The following TNS3 variants were observed in gnomAD, a reference collection of about 807,000 sequenced individuals.
The protein encoded by TNS3 is tensin 3.
TNS3 carries 45 observed loss-of-function variants against 140.9 expected under a neutral mutation model. That is an observed-to-expected ratio of 0.32 (90% CI 0.25 to 0.41). TNS3 has a LOEUF of 0.41. Among genes scored for constraint, TNS3 ranks in the 10% least tolerant of loss-of-function variants. The probability of loss-of-function intolerance (pLI) is 1.00; values close to 1 mark genes in which losing one functional copy is unlikely to be tolerated. For missense variants in TNS3, 1,716 were observed against 1,906.7 expected (o/e 0.90, Z 1.86); for synonymous variants, 815 against 788.4 (o/e 1.03, Z -0.56).
intron 20 of TNS3, among the ~76,000 whole-genome samples, chr7:47,322,299 G>A (rs552525301): frequency 4.0e-5 from 6 of 151,274 alleles, no homozygotes; most frequent in South Asian, 4.2e-4. Context: ...TGACGCAGGC[G>A]GATCACGAGG....
chr7:47,445,036 G>A (rs1218081278), intron 4 of TNS3, among the ~76,000 whole-genome samples: 1 of 152,160 alleles, frequency 6.6e-6, no homozygotes, highest in Non-Finnish European at 1.5e-5. Flanking sequence ...GGGAAGAGGG[G>A]CAGGAAGGAG....
At chr7:47,337,375 G>T (rs1407054890) in intron 20 of TNS3, among the ~76,000 whole-genome samples, 4 of 152,170 alleles carry the variant, frequency 2.6e-5, no homozygotes, top group African/African-American at 9.7e-5. Flanking sequence ...TGACTAAGGA[G>T]GTATCAAGTT....
chr7:47,303,475 T>C lies in TNS3; in HGVS notation c.2932A>G (p.Thr978Ala), dbSNP rs1253889959. Residue 978 changes from threonine to alanine, a missense_variant, in exon 22 of 31, where the codon ACC becomes GCC. Physicochemically the swap from Thr to Ala is moderately conservative, Grantham distance 58. Around this residue, in one of 3 missense-constraint regions of TNS3, gnomAD observed 1,163 missense variants for 1,182.1 expected, o/e 0.98. Coordinates refer to ENST00000311160, the MANE Select transcript of TNS3 (RefSeq NM_022748.12). Reference protein sequence around the residue: ...GSPLSAEFSGTRKDSPVLSCF... With the variant: ...GSPLSAEFSGARKDSPVLSCF... ...GACAGCACTGGGGAGTCCTTCCTGGTACCGGAGAACTCAGCGCTGAGGGGA... is the reference window on the plus strand; with the variant it reads ...GACAGCACTGGGGAGTCCTTCCTGGCACCGGAGAACTCAGCGCTGAGGGGA... The C allele has an allele frequency of 1.2e-5, 20 of 1,611,734 alleles. No homozygotes were observed. Among genetic ancestry groups the C allele is most frequent in the Non-Finnish European group, 1.5e-5 (18 of 1,179,990 alleles).
chr7:47,500,716 G>A (rs1364202723), intron 3 of TNS3, among the ~76,000 whole-genome samples: 1 of 152,216 alleles, frequency 6.6e-6, no homozygotes. Flanking sequence ...GGGCAGGAAA[G>A]AGATGAACTC....
chr7:47,570,081 C>T (rs1240026527), intron 1 of TNS3, among the ~76,000 whole-genome samples: 2 of 151,832 alleles, frequency 1.3e-5, no homozygotes, highest in African/African-American at 2.4e-5. Context: ...ACCTAGGAGG[C>T]GGAGGTTGCA....
At chr7:47,477,810 T>C (rs940005156) in intron 4 of TNS3, among the ~76,000 whole-genome samples, 4 of 152,186 alleles carry the variant, frequency 2.6e-5, no homozygotes, top group Non-Finnish European at 4.4e-5. Flanking sequence ...CTTTCTGCCC[T>C]GAGAAGCCAC....
At chr7:47,535,082 G>A (rs1799553411) in intron 1 of TNS3, among the ~76,000 whole-genome samples, 1 of 152,188 alleles carries the variant, frequency 6.6e-6, no homozygotes, top group Admixed American at 6.6e-5. Context: ...CTTCTCTCCT[G>A]TGCTATATTG....
At chr7:47,438,622 C>T (rs1296754082) in intron 6 of TNS3, among the ~76,000 whole-genome samples, 1 of 152,024 alleles carries the variant, frequency 6.6e-6, no homozygotes, top group Non-Finnish European at 1.5e-5. Flanking sequence ...AATCAAGGAT[C>T]GGGGAGGGGT....
In TNS3 at chr7:47,291,830, A is replaced by C. The variant is rs1198594768; in HGVS notation, c.3928+125T>G. 4 of 1,064,346 alleles carry C rather than the reference A, an allele frequency of 3.8e-6. No homozygotes were observed. In the African/African-American group the frequency reaches 6.4e-5, roughly 17 times the overall value. The allele number at this position is 1,064,346 out of a possible 1,614,324, so 65.9% of individuals were successfully genotyped here. Reference sequence around the variant, plus strand: ...GCTCTGTGCAAGCTTCTATAAAAGGAAACCTCCTTCAAGGCTCACAGAAAA... The same window carrying C: ...GCTCTGTGCAAGCTTCTATAAAAGGCAACCTCCTTCAAGGCTCACAGAAAA... On this transcript the variant is annotated intron_variant, in intron 27 of 30. Transcript: ENST00000311160.
chr7:47,472,459 A>C (rs1390959301), intron 4 of TNS3, among the ~76,000 whole-genome samples: 1 of 152,150 alleles, frequency 6.6e-6, no homozygotes, highest in Non-Finnish European at 1.5e-5. Context: ...ACTGGTACTC[A>C]CTGTGTGTGC....
At chr7:47,524,093 C>T (rs145633353) in intron 2 of TNS3, among the ~76,000 whole-genome samples, 1,595 of 152,312 alleles carry the variant, frequency 0.01, 21 homozygotes, top group African/African-American at 0.034. Context: ...GCTGAACCAG[C>T]GCCCTCTGAG....
At chr7:47,444,793 A>G (rs1439922182) in intron 4 of TNS3, among the ~76,000 whole-genome samples, 9 of 152,120 alleles carry the variant, frequency 5.9e-5, no homozygotes, top group Admixed American at 5.9e-4. Context: ...CTGCCAAAAA[A>G]ACAAACAAAA....
chr7:47,324,376 T>C (rs183430554), intron 20 of TNS3, among the ~76,000 whole-genome samples: 28 of 152,354 alleles, frequency 1.8e-4, no homozygotes, highest in Admixed American at 1.6e-3. Flanking sequence ...CAGATGAAAT[T>C]GGGAGGGTCC....
At chr7:47,478,780 A>G (rs1027193869) in intron 4 of TNS3, among the ~76,000 whole-genome samples, 3 of 152,078 alleles carry the variant, frequency 2.0e-5, no homozygotes, top group Non-Finnish European at 4.4e-5. Flanking sequence ...ATACATATTC[A>G]TTTGTGTGCG....
chr7:47,401,169 C>T (rs1444032038), intron 13 of TNS3, among the ~76,000 whole-genome samples: 1 of 152,208 alleles, frequency 6.6e-6, no homozygotes. Flanking sequence ...CTGTGCTGCT[C>T]CTGTGGAACC....
chr7:47,428,832 C>T (rs1278611440), intron 8 of TNS3, among the ~76,000 whole-genome samples: 4 of 152,202 alleles, frequency 2.6e-5, no homozygotes, highest in African/African-American at 7.2e-5. Flanking sequence ...GCAGCACTGC[C>T]GGCACCTGAG....
At chr7:47,304,769 G>A (rs1786647626) in intron 21 of TNS3, 63 bp downstream of exon 21, 1 of 1,316,668 alleles carries the variant, frequency 7.6e-7, no homozygotes, top group Non-Finnish European at 9.8e-7. Flanking sequence ...GGTCCCACAT[G>A]CCTCTCAGCA....
At chr7:47,438,556 T>C (rs113252629) in intron 6 of TNS3, among the ~76,000 whole-genome samples, 19,705 of 152,128 alleles carry the variant, frequency 0.13, 1,952 homozygotes, top group African/African-American at 0.27. Context: ...TCCTGTCCAC[T>C]GCCAGGTCAC....
At chr7:47,486,061 GGTGA>G (rs763702663) in intron 3 of TNS3, among the ~76,000 whole-genome samples, 5 of 150,978 alleles carry the variant, frequency 3.3e-5, no homozygotes, top group Admixed American at 6.6e-5. Context: ...TGGGTGTGTG[GGTGA>G]GTGTGTGTGT....
Sources: allele counts gnomAD v4.1 joint callset (sites outside exome capture counted in the v4.1 genomes callset), GRCh38; gene constraint gnomAD v4.1.1; regional missense constraint gnomAD v4.1.1; transcripts MANE v1.5; gene names NCBI Gene and HGNC (gene_info 2026-07-23, HGNC 2026-07-21).